The following MMP16 variants were observed in gnomAD, a reference collection of about 807,000 sequenced individuals.
MMP16 encodes matrix metalloproteinase-16.
Under a neutral mutation model 67.8 loss-of-function variants are expected in MMP16, and 12 were observed. The observed-to-expected ratio is 0.18, with a 90% CI of 0.11 to 0.29. The LOEUF (loss-of-function observed/expected upper bound fraction) is 0.29. Among genes scored for constraint, MMP16 ranks in the 10% least tolerant of loss-of-function variants. The pLI is 1.00. For missense variants in MMP16, 475 were observed against 765.7 expected (o/e 0.62, Z 4.48); for synonymous variants, 249 against 255.9 (o/e 0.97, Z 0.26).
At position 88,186,385 on chromosome 8, in the gene MMP16, T is replaced by C. The variant is rs1809073102; in HGVS notation, c.404+91A>G. 8 of 1,494,188 alleles carry C rather than the reference T, an allele frequency of 5.4e-6. No individual in the cohort carries two copies. In the South Asian group the frequency reaches 8.3e-5, roughly 15 times the overall value. 92.6% of individuals were successfully genotyped at this position (1,494,188 alleles called of 1,614,324 possible). On this transcript the variant is annotated intron_variant, in intron 3 of 9. Transcript: ENST00000286614. ...CATTATATCCCTATATATTAACATG[T>C]AGTCAACGTGCAGAAGATACTAAAC...
At chr8:88,141,206 T>C (rs1808205297) in intron 4 of MMP16, among the ~76,000 whole-genome samples, 1 of 152,210 alleles carries the variant, frequency 6.6e-6, no homozygotes, top group African/African-American at 2.4e-5. Flanking sequence ...TAATATCCTT[T>C]CTATTTAAAG....
At chr8:88,180,174 G>A (rs965561503) in intron 3 of MMP16, among the ~76,000 whole-genome samples, 1 of 151,796 alleles carries the variant, frequency 6.6e-6, no homozygotes, top group East Asian at 1.9e-4. Flanking sequence ...CCAGCTACTC[G>A]GGAGGCTGAG....
At chr8:88,150,894 T>A (rs1161779906) in intron 4 of MMP16, among the ~76,000 whole-genome samples, 1 of 139,982 alleles carries the variant, frequency 7.1e-6, no homozygotes, top group Non-Finnish European at 1.5e-5. Flanking sequence ...GACTAAATGC[T>A]CCAATTAAAA....
chr8:88,145,654 C>G (rs986408589), intron 4 of MMP16, among the ~76,000 whole-genome samples: 1 of 151,834 alleles, frequency 6.6e-6, no homozygotes, highest in Non-Finnish European at 1.5e-5. Flanking sequence ...TTAGTAGATT[C>G]CAATGGGCCC....
intron 1 of MMP16, among the ~76,000 whole-genome samples, chr8:88,215,323 A>G (rs899904773): frequency 6.6e-6 from 1 of 151,792 alleles, no homozygotes; most frequent in Non-Finnish European, 1.5e-5. Flanking sequence ...CTCTGTCTAA[A>G]AAAAAAAAAA....
intron 1 of MMP16, among the ~76,000 whole-genome samples, chr8:88,225,467 C>T (rs1329288062): frequency 6.6e-6 from 1 of 151,750 alleles, no homozygotes; most frequent in African/African-American, 2.4e-5. Flanking sequence ...AATACTTTTG[C>T]TTTAAATAAT....
chr8:88,140,196 T>A (rs1808188518), intron 4 of MMP16, among the ~76,000 whole-genome samples: 1 of 152,076 alleles, frequency 6.6e-6, no homozygotes, highest in Admixed American at 6.6e-5. Context: ...TGGCCACTGG[T>A]GGAAGTCTAT....
intron 6 of MMP16, among the ~76,000 whole-genome samples, chr8:88,101,298 T>A (rs577026386): frequency 6.6e-6 from 1 of 151,952 alleles, no homozygotes; most frequent in Non-Finnish European, 1.5e-5. Context: ...AATAAATAGA[T>A]ACATTGAATA....
intron 6 of MMP16, among the ~76,000 whole-genome samples, chr8:88,103,030 G>T (rs974399383): frequency 6.6e-6 from 1 of 151,768 alleles, no homozygotes; most frequent in Non-Finnish European, 1.5e-5. Context: ...TCCCAACATG[G>T]CATATAATAT....
At chr8:88,203,911 T>G (rs565304954) in intron 1 of MMP16, among the ~76,000 whole-genome samples, 1 of 152,320 alleles carries the variant, frequency 6.6e-6, no homozygotes, top group African/African-American at 2.4e-5. Context: ...AACAAAAATC[T>G]TTTAATCTGT....
intron 4 of MMP16, among the ~76,000 whole-genome samples, chr8:88,135,490 T>C (rs1159151090): frequency 1.3e-5 from 2 of 151,966 alleles, no homozygotes; most frequent in South Asian, 2.1e-4. Flanking sequence ...AGTTCTATTA[T>C]GATTTTGTTG....
chr8:88,191,607 C>A, intron 2 of MMP16, among the ~76,000 whole-genome samples: 1 of 152,132 alleles, frequency 6.6e-6, no homozygotes, highest in South Asian at 2.1e-4. Context: ...TTCACTGTCC[C>A]CTGTTTTATG....
chr8:88,203,367 G>A (rs1809374822), intron 1 of MMP16, among the ~76,000 whole-genome samples: 2 of 152,074 alleles, frequency 1.3e-5, no homozygotes, highest in Admixed American at 6.6e-5. Flanking sequence ...CTCCCAAAGT[G>A]CTGGGATTAC....
At chr8:88,195,545 C>A (rs576326780) in intron 2 of MMP16, among the ~76,000 whole-genome samples, 1 of 152,106 alleles carries the variant, frequency 6.6e-6, no homozygotes, top group Admixed American at 6.6e-5. Context: ...TGGTACTATA[C>A]GTGGCAGCAA....
At chr8:88,148,560 A>G (rs1238809978) in intron 4 of MMP16, among the ~76,000 whole-genome samples, 6 of 152,116 alleles carry the variant, frequency 3.9e-5, no homozygotes, top group Non-Finnish European at 7.4e-5. Context: ...TTCAGATTCA[A>G]TTTGCTCACC....
At chr8:88,290,649 C>T (rs1810912895) in intron 1 of MMP16, among the ~76,000 whole-genome samples, 1 of 152,112 alleles carries the variant, frequency 6.6e-6, no homozygotes, top group African/African-American at 2.4e-5. Context: ...GCGATCATGG[C>T]TTACTGCAAC....
At position 88,056,044 on chromosome 8, in the gene MMP16, G is replaced by A. The variant is rs1193418190; in HGVS notation, c.1373+84C>T. ...TTAAATCCACCAGGATTCTTCAACAGCTGATGCCTCTGATAGACTAGAAAT... is the reference window on the plus strand; with the variant it reads ...TTAAATCCACCAGGATTCTTCAACAACTGATGCCTCTGATAGACTAGAAAT... On this transcript the variant is annotated intron_variant, in intron 8 of 9. Coordinates refer to ENST00000286614, the MANE Select transcript of MMP16 (RefSeq NM_005941.5). 4 of 1,101,228 alleles carry A rather than the reference G, an allele frequency of 3.6e-6. No individual in the cohort carries two copies. In the African/African-American group the frequency reaches 4.8e-5, roughly 13 times the overall value. The allele number at this position is 1,101,228 out of a possible 1,614,324, so 68.2% of individuals were successfully genotyped here.
intron 4 of MMP16, among the ~76,000 whole-genome samples, chr8:88,133,640 A>G (rs543354803): frequency 1.3e-5 from 2 of 151,886 alleles, no homozygotes; most frequent in East Asian, 3.9e-4. Flanking sequence ...CATATTAATG[A>G]CTCTTAAGTC....
intron 2 of MMP16, among the ~76,000 whole-genome samples, chr8:88,192,476 CCCTGCTCACTAGCTATCAA>C (rs1249029003): frequency 3.9e-5 from 6 of 152,266 alleles, no homozygotes; most frequent in African/African-American, 1.4e-4. Flanking sequence ...AATCTAAGGT[CCCTGCTCACTAGCTATCAA>C]CCTTCCTTCT....
Sources: gnomAD v4.1 joint callset for allele counts (sites outside exome capture counted in the v4.1 genomes callset) on GRCh38, gnomAD v4.1.1 for gene constraint, MANE v1.5 for transcripts, NCBI Gene and HGNC (gene_info 2026-07-23, HGNC 2026-07-21) for gene names.